ZNF721: variants seen among roughly 807,000 people sequenced by gnomAD.
ZNF721 encodes zinc finger protein 721.
ZNF721 carries 2 observed loss-of-function variants against 2.4 expected under a neutral mutation model. The ratio of observed to expected loss-of-function variants is 0.82; its 90% CI spans 0.34 to 2.58. ZNF721 has a LOEUF of 2.58. Among genes scored for constraint, ZNF721 ranks in the 30% most tolerant of loss-of-function variants. The probability of loss-of-function intolerance (pLI) is 0.11; values close to 1 mark genes in which losing one functional copy is unlikely to be tolerated. For missense variants in ZNF721, 1,187 were observed against 1,085.5 expected (o/e 1.09, Z -1.31); for synonymous variants, 398 against 381.8 (o/e 1.04, Z -0.50).
Position 442,671 on chromosome 4 carries a change from T to A in ZNF721, c.1796A>T (p.Asp599Val), listed in dbSNP as rs781830318. The change falls in exon 3 of 3, where the codon GAC (aspartate) becomes GTC (valine). Residue 599 changes from aspartate (D) to valine (V), a missense_variant. By Grantham distance (152) the Asp-to-Val change is radical. Transcript: ENST00000511833. ...ATGAATTTTCTTGTGTTGATTCAGG[T>A]CTGTGTACCGTCCAAAGGCTTTGCC... ...ECGKAFGRYT[D>V]LNQHKKIHTG... 2 of 1,613,680 alleles carry A rather than the reference T, an allele frequency of 1.2e-6. No individual in the cohort carries two copies. The highest frequency in any genetic ancestry group is 1.7e-6 in the Non-Finnish European group (2 of 1,179,840).
chr4:497,852 G>A (rs1203867746), intron 1 of ZNF721, among the ~76,000 whole-genome samples: 1 of 150,082 alleles, frequency 6.7e-6, no homozygotes, highest in African/African-American at 2.5e-5. Context: ...GAGCGGAGAT[G>A]GTGCCACTGC....
At chr4:448,890 TTAAAA>T (rs1369370909) in intron 2 of ZNF721, among the ~76,000 whole-genome samples, 2 of 152,112 alleles carry the variant, frequency 1.3e-5, no homozygotes, top group African/African-American at 4.8e-5. Flanking sequence ...ATTTGAAATA[TTAAAA>T]TGAAATATTA....
At chr4:466,794 G>C (rs1715267064) in intron 2 of ZNF721, among the ~76,000 whole-genome samples, 1 of 152,110 alleles carries the variant, frequency 6.6e-6, no homozygotes, top group African/African-American at 2.4e-5. Context: ...CTCCCACCAG[G>C]CCCCACCTAC....
At chr4:482,092 G>C (rs1327035665) in intron 1 of ZNF721, among the ~76,000 whole-genome samples, 1 of 152,214 alleles carries the variant, frequency 6.6e-6, no homozygotes, top group Admixed American at 6.5e-5. Context: ...ATATGACTGT[G>C]AGACATTGTT....
chr4:452,969 A>G (rs782379170), intron 2 of ZNF721, among the ~76,000 whole-genome samples: 28 of 152,230 alleles, frequency 1.8e-4, no homozygotes, highest in Non-Finnish European at 3.8e-4. Context: ...AAGGATGTAC[A>G]AAACTTGCCA....
rs573809767 is a variant in ZNF721 at position 497,843 on chromosome 4, A to G, written c.-94+1213T>C. Among the ~76,000 whole-genome samples, 6 of 151,576 alleles carry G rather than the reference A, an allele frequency of 4.0e-5. No individual in the cohort carries two copies. In the East Asian group the frequency reaches 1.2e-3, roughly 29 times the overall value. On this transcript the variant is annotated intron_variant, in intron 1 of 2. Transcript: ENST00000511833. ...AACCCGGGAGGCGGAGCTTGCAGTG[A>G]GCGGAGATGGTGCCACTGCACTCCA...
chr4:442,221 C>T lies in ZNF721; in HGVS notation c.2246G>A (p.Gly749Glu). ...TTCTTTACATTTGTAGAGTTTATCTCCAGTATGAATTTTCTTATATTCGTT... is the reference window on the plus strand; with the variant it reads ...TTCTTTACATTTGTAGAGTTTATCTTCAGTATGAATTTTCTTATATTCGTT... ...NLNEYKKIHT[G>E]DKLYKCKECG... Residue 749 changes from glycine (G) to glutamate (E), a missense_variant, in exon 3 of 3, where the codon GGA (glycine) becomes GAA (glutamate). Physicochemically the swap from Gly to Glu is moderately conservative, Grantham distance 98 (BLOSUM62 -2). Transcript: ENST00000511833. 5 of 1,612,812 alleles carry T rather than the reference C, an allele frequency of 3.1e-6. No homozygotes were observed. In the Admixed American group the frequency reaches 8.4e-5, roughly 27 times the overall value.
intron 2 of ZNF721, among the ~76,000 whole-genome samples, chr4:469,978 G>A (rs2108710204): frequency 6.6e-6 from 1 of 152,278 alleles, no homozygotes; most frequent in East Asian, 1.9e-4. Flanking sequence ...CGCCTCCCGG[G>A]TTCACGCCAT....
intron 2 of ZNF721, among the ~76,000 whole-genome samples, chr4:460,931 G>A (rs1396062666): frequency 6.6e-6 from 1 of 152,104 alleles, no homozygotes; most frequent in Non-Finnish European, 1.5e-5. Flanking sequence ...CCAGTAACAA[G>A]TTCTGAAATT....
At chr4:454,268 G>A (rs1236165225) in intron 2 of ZNF721, among the ~76,000 whole-genome samples, 1 of 152,186 alleles carries the variant, frequency 6.6e-6, no homozygotes, top group Non-Finnish European at 1.5e-5. Context: ...CAAATGCGCT[G>A]GACTCCCTGG....
chr4:461,663 A>G (rs970903842), intron 2 of ZNF721, among the ~76,000 whole-genome samples: 1 of 152,202 alleles, frequency 6.6e-6, no homozygotes, highest in African/African-American at 2.4e-5. Flanking sequence ...ACTTGAGGTC[A>G]GGAGTTCAAG....
At chr4:477,276 T>C (rs1310043596) in intron 1 of ZNF721, among the ~76,000 whole-genome samples, 4 of 129,088 alleles carry the variant, frequency 3.1e-5, no homozygotes, top group African/African-American at 8.4e-5. Context: ...TTTTTTTTTT[T>C]TGGAGACAGA....
rs533366979 is a variant in ZNF721 at position 468,055 on chromosome 4, G to A, written c.34+4520C>T. Among the ~76,000 whole-genome samples the A allele has an allele frequency of 5.9e-5, 9 of 152,056 alleles. No individual in the cohort carries two copies. In the South Asian group the frequency reaches 1.5e-3, roughly 25 times the overall value. On this transcript the variant is annotated intron_variant, in intron 2 of 2. Transcript: ENST00000511833. ...AGCACTTTGGGAGGCCGAGGCGGGC[G>A]GATCACGAGGTCAGGAGATCGAGAC...
At chr4:474,212 TC>T in intron 1 of ZNF721, 1 of 399,840 alleles carries the variant, frequency 2.5e-6, no homozygotes, top group Non-Finnish European at 4.8e-6. Context: ...TGGGCAGTTC[TC>T]AGTCAAGCGC....
chr4:449,738 T>C (rs998572185), intron 2 of ZNF721, among the ~76,000 whole-genome samples: 3 of 152,156 alleles, frequency 2.0e-5, no homozygotes, highest in South Asian at 2.1e-4. Context: ...AATTTGAATA[T>C]AGGCAAGAGA....
chr4:473,880 C>T (rs766587535), intron 1 of ZNF721: 200 of 1,391,916 alleles, frequency 1.4e-4, no homozygotes, highest in Non-Finnish European at 1.9e-4. Context: ...TAAGCGGCGG[C>T]AGCGGGGACT....
At chr4:458,320 G>C (rs1553865622) in intron 2 of ZNF721, among the ~76,000 whole-genome samples, 1 of 152,106 alleles carries the variant, frequency 6.6e-6, no homozygotes, top group Non-Finnish European at 1.5e-5. Flanking sequence ...GACCCAGTAG[G>C]ACTTATGTGA....
chr4:464,174 T>C (rs1210273072), intron 2 of ZNF721, among the ~76,000 whole-genome samples: 2 of 152,130 alleles, frequency 1.3e-5, no homozygotes, highest in Non-Finnish European at 2.9e-5. Context: ...ATCAGCAAAC[T>C]TTAAAGTCAT....
chr4:444,745 G>T (rs2108689260), intron 2 of ZNF721, among the ~76,000 whole-genome samples: 1 of 152,236 alleles, frequency 6.6e-6, no homozygotes, highest in East Asian at 1.9e-4. Context: ...GCCATTAGAA[G>T]AAAGCTCTCA....
Sources: allele counts gnomAD v4.1 joint callset (sites outside exome capture counted in the v4.1 genomes callset), GRCh38; gene constraint gnomAD v4.1.1; transcripts MANE v1.5; gene names NCBI Gene and HGNC (gene_info 2026-07-23, HGNC 2026-07-21).